Variants in ARHGAP29 observed in about 807,000 individuals in gnomAD.
The protein encoded by ARHGAP29 is rho GTPase-activating protein 29.
A neutral mutation model predicts 122.6 loss-of-function variants in ARHGAP29; 43 were observed. That is an observed-to-expected ratio of 0.35 (90% CI 0.27 to 0.45). ARHGAP29 has a LOEUF of 0.45. Ranked by LOEUF, ARHGAP29 falls within the 20% of genes least tolerant of loss-of-function variation. The pLI, the probability that ARHGAP29 is intolerant of heterozygous loss-of-function variation, is 1.00. For synonymous variants in ARHGAP29, 506 were observed against 497.1 expected, an observed-to-expected ratio of 1.02 and a Z score of -0.24; for missense variants, 1,303 against 1,477.2, an observed-to-expected ratio of 0.88 and a Z score of 1.93.
chr1:94,170,569 A>T lies in ARHGAP29; in HGVS notation c.*3300T>A, dbSNP rs1327771585. 6.6e-6 allele frequency among the ~76,000 whole-genome samples: 1 copy of T among 152,230 alleles called. No homozygotes were observed. The highest frequency in any genetic ancestry group is 1.5e-5 in the Non-Finnish European group (1 of 68,044). On this transcript the variant is annotated 3_prime_UTR_variant, in exon 23 of 23. Coordinates refer to ENST00000260526, the MANE Select transcript of ARHGAP29 (RefSeq NM_004815.4). ...CTATGGATTAGATATCATGATGTCA[A>T]TGTCAATCTCCTAAGTTTGATGGTT... is the stretch of plus-strand genomic sequence containing the variant.
Position 94,202,944 on chromosome 1 carries a change from G to A in ARHGAP29, c.928C>T (p.Leu310Phe), listed in dbSNP as rs1189420954. ...MEKQRKEIKE[L>F]WKQEQNKMLE... ...ATTTTATTTTGCTCCTGTTTCCAAAGCTCTTTTATTTCTTTCCTTTGTTTT... is the reference window on the plus strand; with the variant it reads ...ATTTTATTTTGCTCCTGTTTCCAAAACTCTTTTATTTCTTTCCTTTGTTTT... Residue 310 changes from leucine to phenylalanine, a missense_variant, in exon 10 of 23, where the codon CTT (leucine) becomes TTT (phenylalanine). Around this residue, in one of 3 missense-constraint regions of ARHGAP29, gnomAD observed 592 missense variants for 648.2 expected, o/e 0.91. Transcript: ENST00000260526. The A allele has an allele frequency of 1.4e-5, 22 of 1,608,568 alleles. No homozygotes were observed. The highest frequency in any genetic ancestry group is 1.3e-5 in the African/African-American group (1 of 74,484).
At chr1:94,239,742 G>A (rs780955119), upstream of ARHGAP29, among the ~76,000 whole-genome samples, 1 of 137,956 alleles carries the variant, frequency 7.2e-6, no homozygotes, top group South Asian at 2.6e-4. Context: ...AACAGTTCTG[G>A]GGGAAATGAA....
chr1:94,220,043 G>T (rs1019268814), intron 3 of ARHGAP29, among the ~76,000 whole-genome samples: 1 of 152,150 alleles, frequency 6.6e-6, no homozygotes, highest in Non-Finnish European at 1.5e-5. Flanking sequence ...TCTTTTTAAA[G>T]TATTCACTGC....
intron 1 of ARHGAP29, among the ~76,000 whole-genome samples, chr1:94,270,762 C>T (rs1302813293): frequency 6.6e-6 from 1 of 152,216 alleles, no homozygotes; most frequent in Non-Finnish European, 1.5e-5. Context: ...AGCTTCCTTA[C>T]TGCTACCATC....
intron 11 of ARHGAP29, 52 bp downstream of exon 11, chr1:94,202,492 T>C: frequency 1.7e-5 from 28 of 1,600,456 alleles, no homozygotes; most frequent in Non-Finnish European, 2.4e-5. Flanking sequence ...ACCAAACTCC[T>C]GGCAGATTAC....
intron 20 of ARHGAP29, 41 bp from the exon 21 acceptor site, chr1:94,178,208 T>C (rs1261631663): frequency 7.1e-6 from 11 of 1,556,778 alleles, no homozygotes; most frequent in Non-Finnish European, 9.6e-6. Context: ...GATTTTCCTA[T>C]TAGAGTTCCT....
intron 2 of ARHGAP29, among the ~76,000 whole-genome samples, chr1:94,222,056 G>A (rs187737382): frequency 2.4e-3 from 359 of 151,526 alleles, no homozygotes; most frequent in Non-Finnish European, 4.3e-3. Context: ...GGAACCAACT[G>A]AAAGTTTCCA....
intron 2 of ARHGAP29, among the ~76,000 whole-genome samples, chr1:94,226,388 T>A (rs2101601016): frequency 6.6e-6 from 1 of 152,062 alleles, no homozygotes; most frequent in East Asian, 1.9e-4. Context: ...AAAACCCCAT[T>A]ATCTCCTTTT....
chr1:94,293,420 C>T, the ARHGAP29 span, among the ~76,000 whole-genome samples: 18 of 152,318 alleles, frequency 1.2e-4, no homozygotes, highest in African/African-American at 1.7e-4. Flanking sequence ...GGAAATCCCC[C>T]GACCCTTTGC....
chr1:94,202,877 T>C lies in ARHGAP29; in HGVS notation c.954+41A>G, dbSNP rs1570530817. 3.2e-6 allele frequency: 5 copies of C among 1,565,476 alleles called. No individual in the cohort carries two copies. In the East Asian group the frequency reaches 9.0e-5, roughly 28 times the overall value. ...AGTATATACTGCAGATTATTTTAAA[T>C]GTTCACAAATAGGTACATGAAACTC... is the stretch of plus-strand genomic sequence containing the variant. On this transcript the variant is annotated intron_variant, in intron 10 of 22. Transcript: ENST00000260526.
the ARHGAP29 span, among the ~76,000 whole-genome samples, chr1:94,295,614 C>T: frequency 1.5e-4 from 23 of 152,090 alleles, 1 homozygote; most frequent in South Asian, 2.7e-3. Flanking sequence ...TGGATACTTC[C>T]GTGTGCTTAT....
intron 2 of ARHGAP29, among the ~76,000 whole-genome samples, chr1:94,223,002 G>A (rs1415414888): frequency 6.7e-6 from 1 of 149,930 alleles, no homozygotes; most frequent in Non-Finnish European, 1.5e-5. Flanking sequence ...GGAGTGCAGT[G>A]GCGTGATCTC....
intron 1 of ARHGAP29, among the ~76,000 whole-genome samples, chr1:94,252,753 C>G (rs1654146528): frequency 6.6e-6 from 1 of 151,730 alleles, no homozygotes; most frequent in Admixed American, 6.6e-5. Context: ...TTCCTTCCTT[C>G]TTTAAAGTAG....
the ARHGAP29 span, among the ~76,000 whole-genome samples, chr1:94,290,333 G>T: frequency 6.6e-6 from 1 of 151,806 alleles, no homozygotes; most frequent in Non-Finnish European, 1.5e-5. Context: ...TATTAGTCTT[G>T]CTAGTGGTCT....
At chr1:94,222,513 A>C (rs1652363111) in intron 2 of ARHGAP29, among the ~76,000 whole-genome samples, 1 of 152,192 alleles carries the variant, frequency 6.6e-6, no homozygotes, top group African/African-American at 2.4e-5. Flanking sequence ...AATGAGGAGA[A>C]AAACGTCAGG....
chr1:94,251,603 T>A (rs931461882), intron 1 of ARHGAP29, among the ~76,000 whole-genome samples: 1 of 152,254 alleles, frequency 6.6e-6, no homozygotes, highest in African/African-American at 2.4e-5. Context: ...CCTCTGCGTC[T>A]CTGTCCTTCT....
At chr1:94,220,532 C>A (rs1301018256) in intron 2 of ARHGAP29, 140 bp from the exon 3 acceptor site, 26 of 641,728 alleles carry the variant, frequency 4.1e-5, no homozygotes, top group Non-Finnish European at 5.9e-5. Context: ...TATATCTTCA[C>A]TGCTGCAATT....
chr1:94,212,041 G>T (rs1651653637), intron 3 of ARHGAP29, among the ~76,000 whole-genome samples: 1 of 152,212 alleles, frequency 6.6e-6, no homozygotes, highest in East Asian at 1.9e-4. Flanking sequence ...CACTTTGGGA[G>T]ACCGAGGCGG....
rs41311172 is a variant in ARHGAP29 at position 94,179,812 on chromosome 1, C to T, written c.2393G>A (p.Arg798Gln). 2.0e-3 allele frequency: 3,291 copies of T among 1,613,364 alleles called. 8 individuals carry two copies. The highest frequency in any genetic ancestry group is 2.4e-3 in the Non-Finnish European group (2,805 of 1,179,670). The part of the protein sequence containing the change: ...KWPNMCIEIN[R>Q]ILLKSKDLLR... ...AAGGTCTTTGCTTTTTAGAAGAATTCGGTTTATTTCTATACACATATTTGG... is the reference window on the plus strand; with the variant it reads ...AAGGTCTTTGCTTTTTAGAAGAATTTGGTTTATTTCTATACACATATTTGG... Residue 798 changes from arginine (R) to glutamine (Q), a missense_variant, in exon 20 of 23, where the codon CGA becomes CAA. Coordinates refer to ENST00000260526, the MANE Select transcript of ARHGAP29 (RefSeq NM_004815.4).
Sources: allele counts gnomAD v4.1 joint callset (sites outside exome capture counted in the v4.1 genomes callset), GRCh38; gene constraint gnomAD v4.1.1; regional missense constraint gnomAD v4.1.1; transcripts MANE v1.5; gene names NCBI Gene and HGNC (gene_info 2026-07-23, HGNC 2026-07-21).